The following HNRNPA1 variants were observed in gnomAD, a reference collection of about 807,000 sequenced individuals.
HNRNPA1 encodes heterogeneous nuclear ribonucleoprotein A1.
Under a neutral mutation model 44.4 loss-of-function variants are expected in HNRNPA1, and 7 were observed. The observed-to-expected ratio is 0.16, with a 90% CI of 0.09 to 0.30. The LOEUF is 0.30. Among genes scored for constraint, HNRNPA1 ranks in the 10% least tolerant of loss-of-function variants. HNRNPA1 has a pLI of 1.00. For synonymous variants in HNRNPA1, 169 were observed against 160.6 expected (o/e 1.05, Z -0.40); for missense variants, 193 against 465.8 (o/e 0.41, Z 5.39).
chr12:54,282,620 G>A lies in HNRNPA1; in HGVS notation c.631G>A (p.Gly211Ser), dbSNP rs182937540. 3.4e-4 allele frequency: 548 copies of A among 1,613,916 alleles called. 2 individuals are homozygous for A. The highest frequency in any genetic ancestry group is 8.9e-4 in the East Asian group (40 of 44,894). The change falls in exon 6 of 11, where the codon GGT (glycine) becomes AGT (serine). Residue 211 changes from glycine (G) to serine (S), a missense_variant. Around this residue, in one of 2 missense-constraint regions of HNRNPA1, gnomAD observed 136 missense variants for 234.4 expected, o/e 0.58. Coordinates refer to ENST00000340913, the MANE Select transcript of HNRNPA1 (RefSeq NM_031157.4). ...NFGGGRGGGF[G>S]GNDNFGRGGN... Reference sequence around the variant, plus strand: ...TGGTGGTGGTCGTGGAGGTGGTTTCGGTGGGAATGACAACTTCGGTCGTGG... The same window carrying A: ...TGGTGGTGGTCGTGGAGGTGGTTTCAGTGGGAATGACAACTTCGGTCGTGG...
chr12:54,283,107 C>T lies in HNRNPA1; in HGVS notation c.780C>T (p.Tyr260=). The T allele has an allele frequency of 1.2e-6, 2 of 1,613,428 alleles. No individual in the cohort carries two copies. Among genetic ancestry groups the T allele is most frequent in the Non-Finnish European group, 1.7e-6 (2 of 1,179,766 alleles). Residue 260 remains tyrosine, a synonymous_variant, in exon 8 of 11, where the codon TAC becomes TAT. Coordinates refer to ENST00000340913, the MANE Select transcript of HNRNPA1 (RefSeq NM_031157.4). ...DGGYGGGGPG[Y]SGGSRGYGSG... ...GTTATGGAGGAGGCGGCCCTGGTTA[C>T]TCTGGAGGAAGCAGAGGCTATGGAA...
At chr12:54,282,950 T>C in intron 7 of HNRNPA1, 76 bp downstream of exon 7, 1 of 1,483,448 alleles carries the variant, frequency 6.7e-7, no homozygotes, top group Non-Finnish European at 9.1e-7. Flanking sequence ...GAGACTAAAA[T>C]TCTGGTGCAT....
At chr12:54,281,703 G>C in intron 2 of HNRNPA1, 92 bp from the exon 3 acceptor site, 1 of 1,324,474 alleles carries the variant, frequency 7.6e-7, no homozygotes, top group Non-Finnish European at 1.0e-6. Flanking sequence ...ATAAAAGGCT[G>C]GTGTAAAGTT....
At position 54,282,674 on chromosome 12, in the gene HNRNPA1, G is replaced by A. The variant is rs1944193813; in HGVS notation, c.676+9G>A. 4 of 1,610,142 alleles carry A rather than the reference G, an allele frequency of 2.5e-6. No homozygotes were observed. The highest frequency in any genetic ancestry group is 3.4e-6 in the Non-Finnish European group (4 of 1,176,560). On this transcript the variant is annotated intron_variant, in intron 6 of 10. Transcript: ENST00000340913. ...AAACTTCAGTGGTCGTGGTATGTAT[G>A]GTTTATCTACATGTAGTTCTGACTT...
intron 8 of HNRNPA1, 157 bp from the exon 9 acceptor site, chr12:54,283,655 G>A: frequency 4.1e-6 from 3 of 728,382 alleles, no homozygotes; most frequent in South Asian, 3.5e-5. Flanking sequence ...TCAACTGAAT[G>A]CCTTTCCCAG....
In HNRNPA1 at chr12:54,287,062, T is replaced by A. The variant is rs1043776989; in HGVS notation, c.*2518T>A. 2.6e-5 allele frequency: 4 copies of A among 152,176 alleles called. No homozygotes were observed. Among genetic ancestry groups the A allele is most frequent in the Non-Finnish European group, 4.4e-5 (3 of 68,022 alleles). The allele number at this position is 152,176 out of a possible 1,614,324, so 9.4% of individuals were successfully genotyped here. ...AATTCCATTTTGTGAATGGGTTTTT[T>A]TTTTTAATAAACTGTATTTAACTTA... On this transcript the variant is annotated 3_prime_UTR_variant, in exon 11 of 11. Coordinates refer to ENST00000340913, the MANE Select transcript of HNRNPA1 (RefSeq NM_031157.4).
chr12:54,281,693 AT>A (rs1944174235), intron 2 of HNRNPA1, 101 bp from the exon 3 acceptor site: 2 of 1,291,998 alleles, frequency 1.5e-6, no homozygotes, highest in Admixed American at 5.2e-5. Context: ...ACGACTTTTT[AT>A]AAAAGGCTGG....
intron 1 of HNRNPA1, chr12:54,281,089 G>A (rs759290053): frequency 2.9e-6 from 2 of 701,216 alleles, no homozygotes; most frequent in Non-Finnish European, 5.2e-6. Flanking sequence ...TTTAAACCTT[G>A]CCTTGGTGAG....
In HNRNPA1 at chr12:54,284,266, G is replaced by A. The variant is rs1944230380; in HGVS notation, c.1072G>A (p.Gly358Ser). Residue 358 changes from glycine (G) to serine (S), a missense_variant, in exon 10 of 11, where the codon GGC (glycine) becomes AGC (serine). Physicochemically the swap from Gly to Ser is moderately conservative, Grantham distance 56. This residue lies in a region of HNRNPA1 where 136 missense variants were observed against 234.4 expected (regional missense o/e 0.58). Transcript: ENST00000340913. ...AAAATTGTACTTTTCAGGTGGCTAT[G>A]GCGGTTCCAGCAGCAGCAGTAGCTA... ...FAKPRNQGGY[G>S]GSSSSSSYGS... The A allele has an allele frequency of 3.7e-6, 6 of 1,614,050 alleles. No individual in the cohort carries two copies. In the East Asian group the frequency reaches 1.3e-4, roughly 36 times the overall value.
chr12:54,284,727 A>G lies in HNRNPA1; in HGVS notation c.*183A>G, dbSNP rs952078362. The G allele has an allele frequency of 2.3e-6, 1 of 437,758 alleles. No individual in the cohort carries two copies. 27.1% of individuals were successfully genotyped at this position (437,758 alleles called of 1,614,324 possible). A position where few individuals can be genotyped will look rare whatever the true frequency, so the allele number is the denominator to read the frequency against. ...AAACTCGAGGACTGTATTTGTGACT[A>G]ATTGTATAACAGGTTATTTTAGTTT... On this transcript the variant is annotated 3_prime_UTR_variant, in exon 11 of 11. Coordinates refer to ENST00000340913, the MANE Select transcript of HNRNPA1 (RefSeq NM_031157.4).
intron 7 of HNRNPA1, 70 bp downstream of exon 7, chr12:54,282,944 CTA>C (rs1944200313): frequency 3.4e-6 from 5 of 1,488,836 alleles, no homozygotes; most frequent in East Asian, 4.9e-5. Flanking sequence ...TTAGTAGAGA[CTA>C]AAATTCTGGT....
Position 54,286,435 on chromosome 12 carries a change from G to C in HNRNPA1, c.*1891G>C, listed in dbSNP as rs530640819. The C allele has an allele frequency of 6.6e-6, 1 of 152,266 alleles. No individual in the cohort carries two copies. The highest frequency in any genetic ancestry group is 2.4e-5 in the African/African-American group (1 of 41,538). 9.4% of individuals were successfully genotyped at this position (152,266 alleles called of 1,614,324 possible). A position where few individuals can be genotyped will look rare whatever the true frequency, so the allele number is the denominator to read the frequency against. ...AATTGTTTTAAATTGACACCCTATT[G>C]ATGGCTCCCAGTTGAAGGAAGTGAG... On this transcript the variant is annotated 3_prime_UTR_variant, in exon 11 of 11. Coordinates refer to ENST00000340913, the MANE Select transcript of HNRNPA1 (RefSeq NM_031157.4).
chr12:54,285,957 G>A lies in HNRNPA1; in HGVS notation c.*1413G>A, dbSNP rs1303426844. 6.6e-6 allele frequency: 1 copy of A among 152,024 alleles called. No individual in the cohort carries two copies. Among genetic ancestry groups the A allele is most frequent in the Non-Finnish European group, 1.5e-5 (1 of 68,022 alleles). The allele number at this position is 152,024 out of a possible 1,614,324, so 9.4% of individuals were successfully genotyped here. ...CTGGCTGAGTTTGCAATAGCAGGTG[G>A]AACCCTAACTATTGAGGGAGTTTGC... On this transcript the variant is annotated 3_prime_UTR_variant, in exon 11 of 11. Transcript: ENST00000340913.
rs567801393 is a variant in HNRNPA1, at chr12:54,281,152, C to T, written c.16-234C>T. The T allele has an allele frequency of 1.0e-4, 73 of 700,130 alleles. No homozygotes were observed. In the African/African-American group the frequency reaches 1.1e-3, roughly 11 times the overall value. The allele number at this position is 700,130 out of a possible 1,614,324, so 43.4% of individuals were successfully genotyped here. On this transcript the variant is annotated intron_variant, in intron 1 of 10. Coordinates refer to ENST00000340913, the MANE Select transcript of HNRNPA1 (RefSeq NM_031157.4). ...ATTGTGGAGATGCACCCCTACCGCC[C>T]AAGCCTTTGTTGCGCGTGCGTCGGA...
rs1165179357 is a variant in HNRNPA1 at position 54,283,979 on chromosome 12, A to G, written c.1063+12A>G. 1.2e-5 allele frequency: 20 copies of G among 1,603,956 alleles called. No homozygotes were observed. The highest frequency in any genetic ancestry group is 5.3e-5 in the African/African-American group (4 of 74,888). ...ACCACGAAACCAAGGTATGGTATCT[A>G]TGTAATTTTGGATAATGTCAAAAGA... On this transcript the variant is annotated intron_variant, in intron 9 of 10. Coordinates refer to ENST00000340913, the MANE Select transcript of HNRNPA1 (RefSeq NM_031157.4).
intron 8 of HNRNPA1, 142 bp downstream of exon 8, chr12:54,283,376 G>C: frequency 2.2e-6 from 2 of 925,142 alleles, no homozygotes; most frequent in East Asian, 5.3e-5. Flanking sequence ...CCTCCTCCTA[G>C]CTTTAAGCTG....
intron 7 of HNRNPA1, 84 bp downstream of exon 7, chr12:54,282,958 C>A: frequency 6.8e-7 from 1 of 1,475,294 alleles, no homozygotes; most frequent in Non-Finnish European, 9.2e-7. Context: ...AATTCTGGTG[C>A]ATGTCAAACT....
At chr12:54,283,037 T>G (rs1385058193) in intron 7 of HNRNPA1, 42 bp from the exon 8 acceptor site, 2 of 1,602,878 alleles carry the variant, frequency 1.2e-6, no homozygotes, top group Non-Finnish European at 8.5e-7. Context: ...GTTTTCATTG[T>G]CAAATACTTT....
intron 3 of HNRNPA1, 25 bp from the exon 4 acceptor site, chr12:54,282,065 A>G (rs747443433): frequency 3.1e-6 from 5 of 1,608,484 alleles, no homozygotes; most frequent in Non-Finnish European, 4.3e-6. Context: ...TTGCTAATCT[A>G]AACCTATGGT....
Sources: allele counts gnomAD v4.1 joint callset, GRCh38; gene constraint gnomAD v4.1.1; regional missense constraint gnomAD v4.1.1; transcripts MANE v1.5; gene names NCBI Gene and HGNC (gene_info 2026-07-23, HGNC 2026-07-21).